The following GPR179 variants were observed in gnomAD, a reference collection of about 807,000 sequenced individuals.
GPR179 encodes G protein-coupled receptor 179.
GPR179 carries 52 observed loss-of-function variants against 70.8 expected under a neutral mutation model. The observed-to-expected ratio is 0.73, with a 90% CI of 0.59 to 0.93. The LOEUF is 0.93. Among genes scored for constraint, GPR179 ranks in the 40% least tolerant of loss-of-function variants. GPR179 has a pLI of 0.00. For synonymous variants in GPR179, 1,123 were observed against 1,169.0 expected (o/e 0.96, Z 0.80); for missense variants, 2,734 against 2,966.8 (o/e 0.92, Z 1.82).
At chr17:38,335,371 C>T (rs1024013583) in intron 6 of GPR179, 100 bp from the exon 7 acceptor site, 2 of 909,074 alleles carry the variant, frequency 2.2e-6, no homozygotes, top group Non-Finnish European at 3.4e-6. Flanking sequence ...CCCTCTCCTC[C>T]ACACAGGTAC....
chr17:38,339,415 AC>A lies in GPR179; in HGVS notation c.903+1del. The A allele has an allele frequency of 1.2e-6, 2 of 1,600,984 alleles. No homozygotes were observed. Among genetic ancestry groups the A allele is most frequent in the Non-Finnish European group, 1.7e-6 (2 of 1,168,366 alleles). ...AGCGCCCCCCATCCTCCTCATCCTT[AC>A]CTGGGTGCTGTTGAGATCACACAGG... On this transcript the variant is annotated splice_donor_variant, in intron 2 of 10. Transcript: ENST00000616987. LOFTEE classifies it high-confidence loss of function.
At chr17:38,341,741 G>A (rs889304058) in intron 1 of GPR179, among the ~76,000 whole-genome samples, 3 of 152,192 alleles carry the variant, frequency 2.0e-5, no homozygotes, top group African/African-American at 7.2e-5. Flanking sequence ...GCAGGATAGT[G>A]CGGCCTGCTT....
In GPR179 at chr17:38,328,096, C is replaced by T; in HGVS notation, c.5473G>A (p.Gly1825Arg). 4 of 1,614,054 alleles carry T rather than the reference C, an allele frequency of 2.5e-6. No individual in the cohort carries two copies. The South Asian group carries it at 4.4e-5, about 18-fold the overall frequency. The change falls in exon 11 of 11, where the codon GGA becomes AGA. Residue 1825 changes from glycine to arginine, a missense_variant. Gly to Arg is a moderately radical substitution (Grantham distance 125, BLOSUM62 -2). Transcript: ENST00000616987. Reference sequence around the variant, plus strand: ...TGGTCCAATCCCTTCCCAGTAGTTCCTTCACTTACCTCCCAGGGACAGATC... The same window carrying T: ...TGGTCCAATCCCTTCCCAGTAGTTCTTTCACTTACCTCCCAGGGACAGATC... The part of the protein sequence containing the change: ...AKICPWEVSE[G>R]TTGKGLDQKA...
intron 10 of GPR179, among the ~76,000 whole-genome samples, chr17:38,332,649 C>G: frequency 6.6e-6 from 1 of 152,196 alleles, no homozygotes; most frequent in Non-Finnish European, 1.5e-5. Context: ...CTCTTTCACC[C>G]AGGCTGGAGT....
At position 38,337,520 on chromosome 17, in the gene GPR179, C is replaced by T. The variant is rs1204465481; in HGVS notation, c.991+113G>A. The stretch of plus-strand genomic sequence containing the variant: ...GCCTCTCTCAACCTTCTGCCCTTGC[C>T]CCACAAGTTCCCTCCCAGTGTCTCA... On this transcript the variant is annotated intron_variant, in intron 3 of 10. Coordinates refer to ENST00000616987, the MANE Select transcript of GPR179 (RefSeq NM_001004334.4). 4.3e-6 allele frequency: 4 copies of T among 940,664 alleles called. No homozygotes were observed. In the Admixed American group the frequency reaches 9.4e-5, roughly 22 times the overall value. The allele number at this position is 940,664 out of a possible 1,614,324, so 58.3% of individuals were successfully genotyped here.
At chr17:38,335,428 C>T (rs117551741) in intron 6 of GPR179, among the ~76,000 whole-genome samples, 157 bp from the exon 7 acceptor site, 3 of 152,168 alleles carry the variant, frequency 2.0e-5, no homozygotes, top group African/African-American at 7.2e-5. Flanking sequence ...GCTACCCCCC[C>T]ACAAAGTAAC....
Position 38,327,770 on chromosome 17 carries a change from T to C in GPR179, c.5799A>G (p.Lys1933=). 6.2e-7 allele frequency: 1 copy of C among 1,614,114 alleles called. No homozygotes were observed. The highest frequency in any genetic ancestry group is 8.5e-7 in the Non-Finnish European group (1 of 1,180,006). Residue 1933 remains lysine, a synonymous_variant, in exon 11 of 11, where the codon AAA becomes AAG. Coordinates refer to ENST00000616987, the MANE Select transcript of GPR179 (RefSeq NM_001004334.4). ...GSFPEHITQE[K]APAADTEEFT... The stretch of plus-strand genomic sequence containing the variant: ...ATTCTTCTGTGTCTGCAGCTGGAGC[T>C]TTTTCTTGGGTTATGTGTTCTGGGA...
In GPR179 at chr17:38,328,677, T is replaced by G; in HGVS notation, c.4892A>C (p.Asp1631Ala). The change falls in exon 11 of 11, where the codon GAT (aspartate) becomes GCT (alanine). Residue 1631 changes from aspartate (D) to alanine (A), a missense_variant. Physicochemically the swap from Asp to Ala is moderately radical, Grantham distance 126 (BLOSUM62 -2). Transcript: ENST00000616987. Reference sequence around the variant, plus strand: ...CTCAGGCTTTTCCCAAGCTGTGACATCTTCGATTTCCGATTTTCCAGGCAT... The same window carrying G: ...CTCAGGCTTTTCCCAAGCTGTGACAGCTTCGATTTCCGATTTTCCAGGCAT... ...EKMPGKSEIE[D>A]VTAWEKPEGQ... 4.3e-6 allele frequency: 7 copies of G among 1,614,154 alleles called. No individual in the cohort carries two copies. Among genetic ancestry groups the G allele is most frequent in the South Asian group, 1.1e-5 (1 of 91,090 alleles).
intron 3 of GPR179, 49 bp from the exon 4 acceptor site, chr17:38,337,262 C>T: frequency 6.5e-7 from 1 of 1,533,014 alleles, no homozygotes; most frequent in South Asian, 1.2e-5. Context: ...CTAGAGCATC[C>T]TGACATCCCA....
chr17:38,326,617 G>A lies in GPR179; in HGVS notation c.6952C>T (p.Leu2318Phe), dbSNP rs775216905. ...GGGGCTAAGCTGGTCCTTGGCTCAA[G>A]CCCTGAAGGTCCTTGTAGTTCTCTG... Reference protein sequence around the residue: ...GVRELQGPSGLEPRTSLAPEP... With the variant: ...GVRELQGPSGFEPRTSLAPEP... Residue 2318 changes from leucine to phenylalanine, a missense_variant, in exon 11 of 11, where the codon CTT (leucine) becomes TTT (phenylalanine). Transcript: ENST00000616987. 135 of 1,614,094 alleles carry A rather than the reference G, an allele frequency of 8.4e-5. No individual in the cohort carries two copies. The highest frequency in any genetic ancestry group is 1.1e-4 in the Non-Finnish European group (129 of 1,180,044).
At position 38,343,420 on chromosome 17, in the gene GPR179, C is replaced by T. The variant is rs1567728651; in HGVS notation, c.370G>A (p.Glu124Lys). ...GCCTGGTACCATTCCACATCCTCCT[C>T]CACACTGGACTCACGGATGTCGTTG... ...QANDIRESSV[E>K]EDVEWYQALV... Residue 124 changes from glutamate to lysine, a missense_variant, in exon 1 of 11, where the codon GAG (glutamate) becomes AAG (lysine). Glu to Lys is a moderately conservative substitution (Grantham distance 56). Transcript: ENST00000616987. This position sits in a 1 kb window ranked among gnomAD's most constrained non-coding sequence, Gnocchi z 4.2. 1 of 1,614,184 alleles carries T rather than the reference C, an allele frequency of 6.2e-7. No individual in the cohort carries two copies.
chr17:38,331,418 G>A lies in GPR179; in HGVS notation c.2151C>T (p.Arg717=). Residue 717 remains arginine, a synonymous_variant, in exon 11 of 11, where the codon CGC becomes CGT. Transcript: ENST00000616987. ...ATTCCGCCAGGTACCTCATGAAGGA[G>A]CGGCCCAGTCCCTGGCATGAGCTGC... ...KRGSSCQGLG[R]SFMRYLAEFP... is the part of the protein sequence containing the mutation. The A allele has an allele frequency of 6.2e-7, 1 of 1,614,186 alleles. No individual in the cohort carries two copies. Among genetic ancestry groups the A allele is most frequent in the Non-Finnish European group, 8.5e-7 (1 of 1,180,016 alleles).
rs1409482625 is a variant in GPR179 at position 38,328,371 on chromosome 17, T to C, written c.5198A>G (p.Lys1733Arg). The change falls in exon 11 of 11, where the codon AAG (lysine) becomes AGG (arginine). Residue 1733 changes from lysine (K) to arginine (R), a missense_variant. By Grantham distance (26) the Lys-to-Arg change is conservative. Coordinates refer to ENST00000616987, the MANE Select transcript of GPR179 (RefSeq NM_001004334.4). ...CCTGGGTCCAAGATCTGCAGAAACC[T>C]TGCCTGTATCATTTGGAGATTTCCT... The part of the protein sequence containing the change: ...AIRKSPNDTG[K>R]VSADLGPRER... 6 of 1,613,546 alleles carry C rather than the reference T, an allele frequency of 3.7e-6. No individual in the cohort carries two copies. Among genetic ancestry groups the C allele is most frequent in the Non-Finnish European group, 5.1e-6 (6 of 1,179,930 alleles).
rs2037384678 is a variant in GPR179, at chr17:38,334,328, A to G, written c.1785-290T>C. On this transcript the variant is annotated intron_variant, in intron 8 of 10. Transcript: ENST00000616987. The surrounding 1 kb of genome is among the most constrained non-coding windows in gnomAD (Gnocchi z 4.7). ...TGTGGGTTAACTCTGCCTCCACCAC[A>G]GGGTCTGGTCGTTATGGACAAACAG... is the stretch of plus-strand genomic sequence containing the variant. Among the ~76,000 whole-genome samples the G allele has an allele frequency of 3.3e-5, 5 of 152,170 alleles. No individual in the cohort carries two copies. The highest frequency in any genetic ancestry group is 3.3e-4 in the Admixed American group (5 of 15,286).
At position 38,326,957 on chromosome 17, in the gene GPR179, G is replaced by A. The variant is rs1323370792; in HGVS notation, c.6612C>T (p.Leu2204=). 8 of 1,613,960 alleles carry A rather than the reference G, an allele frequency of 5.0e-6. No individual in the cohort carries two copies. In the East Asian group the frequency reaches 1.6e-4, roughly 31 times the overall value. The change falls in exon 11 of 11, where the codon CTC becomes CTT. Residue 2204 remains leucine, a synonymous_variant. Coordinates refer to ENST00000616987, the MANE Select transcript of GPR179 (RefSeq NM_001004334.4). The part of the protein sequence containing the change: ...LPQSGALDPE[L]KVSPKEAGSM... ...TGCCTGCTTCCTTGGGGCTGACTTTGAGTTCTGGGTCCAGGGCACCTGACT... is the reference window on the plus strand; with the variant it reads ...TGCCTGCTTCCTTGGGGCTGACTTTAAGTTCTGGGTCCAGGGCACCTGACT...
Position 38,327,816 on chromosome 17 carries a change from T to C in GPR179, c.5753A>G (p.Gln1918Arg), listed in dbSNP as rs368643289. The C allele has an allele frequency of 3.7e-6, 6 of 1,614,126 alleles. No homozygotes were observed. The African/African-American group carries it at 8.0e-5, about 22-fold the overall frequency. ...TGGGAAGGAACCTGTCTTTGGGTCTTGTCTCAGGTCCCCCTTCTCTGTTGC... is the reference window on the plus strand; with the variant it reads ...TGGGAAGGAACCTGTCTTTGGGTCTCGTCTCAGGTCCCCCTTCTCTGTTGC... ...LEATEKGDLR[Q>R]DPKTGSFPEH... is the part of the protein sequence containing the mutation. The change falls in exon 11 of 11, where the codon CAA (glutamine) becomes CGA (arginine). Residue 1918 changes from glutamine to arginine, a missense_variant. Physicochemically the swap from Gln to Arg is conservative, Grantham distance 43. Coordinates refer to ENST00000616987, the MANE Select transcript of GPR179 (RefSeq NM_001004334.4).
chr17:38,336,893 C>T, intron 4 of GPR179, 85 bp downstream of exon 4: 1 of 1,353,278 alleles, frequency 7.4e-7, no homozygotes, highest in Non-Finnish European at 1.0e-6. Flanking sequence ...GAACCAATTT[C>T]TCCTAAATTC....
intron 1 of GPR179, among the ~76,000 whole-genome samples, chr17:38,341,815 C>T (rs1325724187): frequency 6.6e-6 from 1 of 152,070 alleles, no homozygotes; most frequent in Non-Finnish European, 1.5e-5. Context: ...TGATTCCAAG[C>T]CCCCTCAAGA....
rs1292018399 is a variant in GPR179 at position 38,326,472 on chromosome 17, C to A, written c.7097G>T (p.Trp2366Leu). 1 of 1,601,474 alleles carries A rather than the reference C, an allele frequency of 6.2e-7. No homozygotes were observed. The highest frequency in any genetic ancestry group is 1.7e-5 in the Admixed American group (1 of 58,870). Residue 2366 changes from tryptophan to leucine, a missense_variant, in exon 11 of 11, where the codon TGG becomes TTG. Physicochemically the swap from Trp to Leu is moderately conservative, Grantham distance 61 (BLOSUM62 -2). Coordinates refer to ENST00000616987, the MANE Select transcript of GPR179 (RefSeq NM_001004334.4). Reference sequence around the variant, plus strand: ...CCTCACCTAATAAGGCTGTTACTCCCAATCCCAAGGATAGACAGTGGGAGG... The same window carrying A: ...CCTCACCTAATAAGGCTGTTACTCCAAATCCCAAGGATAGACAGTGGGAGG... ...FTPPTVYPWD[W>L]E is the part of the protein sequence containing the mutation.
Sources: gnomAD v4.1 joint callset for allele counts (sites outside exome capture counted in the v4.1 genomes callset) on GRCh38, gnomAD v4.1.1 for gene constraint, Gnocchi (gnomAD v3.1) non-coding constraint, MANE v1.5 for transcripts, NCBI Gene and HGNC (gene_info 2026-07-23, HGNC 2026-07-21) for gene names.